The following SPMIP2 variants were observed in gnomAD, a reference collection of about 807,000 sequenced individuals.
The protein encoded by SPMIP2 is sperm microtubule inner protein 2.
the SPMIP2 span, among the ~76,000 whole-genome samples, chr4:159,066,589 T>TTATATATATATA: frequency 9.9e-3 from 758 of 76,342 alleles, 4 homozygotes; most frequent in Middle Eastern, 0.024. Flanking sequence ...TGTGTGTATT[T>TTATATATATATA]TATATATATA....
At chr4:158,973,359 GAT>G in the SPMIP2 span, 22 of 1,217,422 alleles carry the variant, frequency 1.8e-5, no homozygotes, top group Non-Finnish European at 2.6e-5. Flanking sequence ...TTTATTCTAA[GAT>G]ACTTTTGTTA....
At chr4:159,059,239 A>G in the SPMIP2 span, among the ~76,000 whole-genome samples, 1 of 152,182 alleles carries the variant, frequency 6.6e-6, no homozygotes, top group Non-Finnish European at 1.5e-5. Flanking sequence ...GTTGAAGTCT[A>G]TTTTTGTCCC....
At chr4:158,893,358 G>T in the SPMIP2 span, 1 of 212,762 alleles carries the variant, frequency 4.7e-6, no homozygotes, top group Admixed American at 5.5e-5. Context: ...TGCAAAGCTG[G>T]GGAAATAATA....
At chr4:159,057,107 T>A in the SPMIP2 span, among the ~76,000 whole-genome samples, 4 of 152,164 alleles carry the variant, frequency 2.6e-5, no homozygotes, top group African/African-American at 9.7e-5. Flanking sequence ...AATTTATCTA[T>A]GGACAATGGG....
the SPMIP2 span, among the ~76,000 whole-genome samples, chr4:159,044,859 AG>A: frequency 1.3e-5 from 2 of 152,250 alleles, no homozygotes; most frequent in Non-Finnish European, 2.9e-5. Context: ...TGGGAGGCCA[AG>A]GTGGACGGAT....
chr4:158,900,344 A>G, the SPMIP2 span, among the ~76,000 whole-genome samples: 1 of 152,190 alleles, frequency 6.6e-6, no homozygotes, highest in Non-Finnish European at 1.5e-5. Context: ...AGTTCTGTAG[A>G]TGTCTATTAG....
the SPMIP2 span, among the ~76,000 whole-genome samples, chr4:158,993,278 G>A: frequency 6.6e-6 from 1 of 151,912 alleles, no homozygotes; most frequent in Non-Finnish European, 1.5e-5. Flanking sequence ...GAGGCAGGAG[G>A]CTCATTTGAG....
the SPMIP2 span, among the ~76,000 whole-genome samples, chr4:159,066,858 T>C: frequency 1.3e-5 from 2 of 152,178 alleles, no homozygotes; most frequent in Non-Finnish European, 2.9e-5. Flanking sequence ...GGCTCTGTTA[T>C]AGCTATTCAG....
the SPMIP2 span, among the ~76,000 whole-genome samples, chr4:158,921,006 T>TA: frequency 6.6e-6 from 1 of 152,242 alleles, no homozygotes. Flanking sequence ...TTCTTCTGTT[T>TA]ATACTCTTTC....
the SPMIP2 span, among the ~76,000 whole-genome samples, chr4:159,042,481 T>C: frequency 2.0e-5 from 3 of 152,220 alleles, no homozygotes; most frequent in Non-Finnish European, 2.9e-5. Flanking sequence ...CCATTCTGAC[T>C]TGGACTCCTT....
At chr4:158,977,625 T>TTTTTTTTTTTTTTTC in the SPMIP2 span, among the ~76,000 whole-genome samples, 3 of 104,340 alleles carry the variant, frequency 2.9e-5, no homozygotes, top group Admixed American at 2.2e-4. Context: ...TTTTTTTTTT[T>TTTTTTTTTTTTTTTC]TCTCTTTGAG....
At chr4:159,060,902 T>C in the SPMIP2 span, among the ~76,000 whole-genome samples, 7 of 151,862 alleles carry the variant, frequency 4.6e-5, no homozygotes, top group African/African-American at 1.7e-4. Context: ...CTAGGCAACA[T>C]GGCAAAATCC....
chr4:158,925,593 C>A, the SPMIP2 span, among the ~76,000 whole-genome samples: 1 of 152,176 alleles, frequency 6.6e-6, no homozygotes. Flanking sequence ...AAGAAGCACA[C>A]AACCTAGATC....
the SPMIP2 span, among the ~76,000 whole-genome samples, chr4:159,066,064 A>G: frequency 6.6e-6 from 1 of 152,070 alleles, no homozygotes; most frequent in African/African-American, 2.4e-5. Context: ...TTCCACTTTT[A>G]TAATTCCACA....
the SPMIP2 span, among the ~76,000 whole-genome samples, chr4:159,076,470 GA>G: frequency 3.9e-5 from 6 of 151,924 alleles, no homozygotes; most frequent in African/African-American, 1.2e-4. Context: ...AGCATATCAT[GA>G]AAAAACCCAG....
At chr4:158,977,600 C>CTTTT in the SPMIP2 span, among the ~76,000 whole-genome samples, 485 of 72,418 alleles carry the variant, frequency 6.7e-3, 36 homozygotes, top group African/African-American at 9.2e-3. Context: ...TCCTTCAGTT[C>CTTTT]TTTTTTTTTT....
the SPMIP2 span, among the ~76,000 whole-genome samples, chr4:158,898,177 G>A: frequency 6.6e-6 from 1 of 152,134 alleles, no homozygotes; most frequent in Non-Finnish European, 1.5e-5. Flanking sequence ...TGAGGCCTCA[G>A]TTCTGTTCCA....
the SPMIP2 span, among the ~76,000 whole-genome samples, chr4:158,981,555 C>T: frequency 6.6e-6 from 1 of 152,122 alleles, no homozygotes; most frequent in Non-Finnish European, 1.5e-5. Context: ...CAATATTCAA[C>T]ATTCTTAAAG....
the SPMIP2 span, chr4:158,893,770 G>A: frequency 7.6e-7 from 1 of 1,307,876 alleles, no homozygotes; most frequent in Non-Finnish European, 1.1e-6. Flanking sequence ...ATAAGTATTT[G>A]CCAAACTTTT....
Sources: allele counts gnomAD v4.1 joint callset (sites outside exome capture counted in the v4.1 genomes callset), GRCh38; gene constraint gnomAD v4.1.1; transcripts MANE v1.5; gene names NCBI Gene and HGNC (gene_info 2026-07-23, HGNC 2026-07-21).